AQP3: variants seen among roughly 807,000 people sequenced by gnomAD.
AQP3 encodes aquaporin-3.
AQP3 carries 15 observed loss-of-function variants against 30.3 expected under a neutral mutation model. The ratio of observed to expected loss-of-function variants is 0.49; its 90% CI spans 0.33 to 0.76. The LOEUF is 0.76. AQP3 is among the 30% of genes least tolerant of loss of function. The pLI, the probability that AQP3 is intolerant of heterozygous loss-of-function variation, is 0.02. For synonymous variants in AQP3, 153 were observed against 163.2 expected, an observed-to-expected ratio of 0.94 and a Z score of 0.47; for missense variants, 272 against 384.8, an observed-to-expected ratio of 0.71 and a Z score of 2.45.
At position 33,443,223 on chromosome 9, in the gene AQP3, G is replaced by T; in HGVS notation, c.373+98C>A. ...GAGTGAGTCATGAGCCCGGGGCCTG[G>T]GCAGGTCCTAGCCGTCTGTCATCAA... On this transcript the variant is annotated intron_variant, in intron 3 of 5. Transcript: ENST00000297991. This position sits in a 1 kb window ranked among gnomAD's most constrained non-coding sequence, Gnocchi z 5.0. 1 of 1,499,502 alleles carries T rather than the reference G, an allele frequency of 6.7e-7. No homozygotes were observed. Among genetic ancestry groups the T allele is most frequent in the Non-Finnish European group, 9.1e-7 (1 of 1,100,362 alleles). 92.9% of individuals were successfully genotyped at this position (1,499,502 alleles called of 1,614,324 possible).
rs368463743 is a variant in AQP3 at position 33,442,432 on chromosome 9, G to A, written c.579C>T (p.Phe193=). The part of the protein sequence containing the change: ...NNPVPRGLEA[F]TVGLVVLVIG... ...TGACCAGGACCACCAGGCCCACGGT[G>A]AAGGCCTCCAGGCCTCGGGGGACGG... The change falls in exon 5 of 6, where the codon TTC becomes TTT. Residue 193 remains phenylalanine (F), a synonymous_variant. Transcript: ENST00000297991. The A allele has an allele frequency of 6.2e-7, 1 of 1,611,942 alleles. No individual in the cohort carries two copies. The highest frequency in any genetic ancestry group is 8.5e-7 in the Non-Finnish European group (1 of 1,179,434).
chr9:33,447,325 C>A, intron 1 of AQP3, 98 bp downstream of exon 1: 1 of 1,130,278 alleles, frequency 8.8e-7, no homozygotes, highest in African/African-American at 1.5e-5. Context: ...GGAGGTGGGT[C>A]CAGGCTACCT....
rs1192392147 is a variant in AQP3, at chr9:33,443,311, G to A, written c.373+10C>T. ...GGGTAGTGGAGGAGGACAGGGTGGG[G>A]AATGCTTACCATAATACAGCCCAAA... is the stretch of plus-strand genomic sequence containing the variant. On this transcript the variant is annotated intron_variant, in intron 3 of 5. Transcript: ENST00000297991. The surrounding 1 kb of genome is among the most constrained non-coding windows in gnomAD (Gnocchi z 5.0). 1 of 1,574,576 alleles carries A rather than the reference G, an allele frequency of 6.4e-7. No homozygotes were observed. The highest frequency in any genetic ancestry group is 1.2e-5 in the South Asian group (1 of 85,744).
chr9:33,443,578 C>A lies in AQP3; in HGVS notation c.236-120G>T. On this transcript the variant is annotated intron_variant, in intron 2 of 5. Transcript: ENST00000297991. The surrounding 1 kb of genome is among the most constrained non-coding windows in gnomAD (Gnocchi z 5.0). ...ACAGGATGGCGGTTGGTCTATGTAA[C>A]AGGTCAGCTGATAATCTCTGATTCC... The A allele has an allele frequency of 6.8e-7, 1 of 1,461,970 alleles. No homozygotes were observed. The highest frequency in any genetic ancestry group is 9.3e-7 in the Non-Finnish European group (1 of 1,070,960). 90.6% of individuals were successfully genotyped at this position (1,461,970 alleles called of 1,614,324 possible).
intron 1 of AQP3, among the ~76,000 whole-genome samples, chr9:33,446,217 G>C (rs1307029693): frequency 6.6e-6 from 1 of 152,228 alleles, no homozygotes; most frequent in African/African-American, 2.4e-5. Context: ...ACAGGAGAGA[G>C]GGGCTAGGGC....
intron 4 of AQP3, 59 bp downstream of exon 4, chr9:33,442,793 A>G: frequency 6.6e-7 from 1 of 1,515,110 alleles, no homozygotes; most frequent in Non-Finnish European, 9.2e-7. Context: ...CCAGCCCATG[A>G]GCTACCAAGG....
rs1351908471 is a variant in AQP3, at chr9:33,441,727, C to A, written c.*316G>T. The A allele has an allele frequency of 5.8e-6, 3 of 520,574 alleles. No homozygotes were observed. The highest frequency in any genetic ancestry group is 1.0e-5 in the Non-Finnish European group (3 of 296,266). The allele number at this position is 520,574 out of a possible 1,614,324, so 32.2% of individuals were successfully genotyped here. A position where few individuals can be genotyped will look rare whatever the true frequency, so the allele number is the denominator to read the frequency against. ...GAACCCCCCCCACACACACACACCC[C>A]TGCACACACATGCACACACATGCAC... is the stretch of plus-strand genomic sequence containing the variant. On this transcript the variant is annotated 3_prime_UTR_variant, in exon 6 of 6. Coordinates refer to ENST00000297991, the MANE Select transcript of AQP3 (RefSeq NM_004925.5).
chr9:33,447,323 G>T, intron 1 of AQP3, 100 bp downstream of exon 1: 1 of 1,104,638 alleles, frequency 9.1e-7, no homozygotes, highest in Non-Finnish European at 1.4e-6. Flanking sequence ...GGGGAGGTGG[G>T]TCCAGGCTAC....
At chr9:33,447,165 G>C (rs1169539231) in intron 1 of AQP3, among the ~76,000 whole-genome samples, 1 of 152,214 alleles carries the variant, frequency 6.6e-6, no homozygotes, top group East Asian at 1.9e-4. Flanking sequence ...GTCACTTGTG[G>C]GAGGGTAAAC....
At chr9:33,447,118 C>A (rs748953858) in intron 1 of AQP3, among the ~76,000 whole-genome samples, 3 of 152,252 alleles carry the variant, frequency 2.0e-5, no homozygotes, top group Non-Finnish European at 4.4e-5. Context: ...CTGTCCCAGA[C>A]TGCAAGCGTG....
chr9:33,445,649 A>C (rs2118975987), intron 1 of AQP3, among the ~76,000 whole-genome samples: 1 of 152,278 alleles, frequency 6.6e-6, no homozygotes, highest in South Asian at 2.1e-4. Flanking sequence ...TGTCAGAGCC[A>C]GTTCCACCAC....
At chr9:33,446,295 C>A (rs904694303) in intron 1 of AQP3, among the ~76,000 whole-genome samples, 2 of 152,170 alleles carry the variant, frequency 1.3e-5, no homozygotes, top group African/African-American at 4.8e-5. Flanking sequence ...TCCCCACTTC[C>A]TATTCTTGGA....
intron 1 of AQP3, among the ~76,000 whole-genome samples, chr9:33,446,960 T>C (rs1407782710): frequency 6.6e-6 from 1 of 152,166 alleles, no homozygotes; most frequent in East Asian, 1.9e-4. Flanking sequence ...ACCTTTGGAC[T>C]TTTTGAGGCT....
At chr9:33,446,561 C>T (rs1222091460) in intron 1 of AQP3, among the ~76,000 whole-genome samples, 1 of 152,158 alleles carries the variant, frequency 6.6e-6, no homozygotes, top group Non-Finnish European at 1.5e-5. Context: ...ACTGGTGGGT[C>T]TGCCAGACCT....
In AQP3 at chr9:33,442,381, G is replaced by A. The variant is rs760098669; in HGVS notation, c.630C>T (p.Ser210=). The A allele has an allele frequency of 2.4e-5, 39 of 1,611,754 alleles. No individual in the cohort carries two copies. The highest frequency in any genetic ancestry group is 4.5e-5 in the East Asian group (2 of 44,802). ...LVIGTSMGFN[S]GYAVNPARDF... is the part of the protein sequence containing the mutation. ...CCCGGGCAGGGTTGACGGCATAGCC[G>A]GAGTTGAAGCCCATGGAGGTGCCAA... The change falls in exon 5 of 6, where the codon TCC becomes TCT. Residue 210 remains serine (S), a synonymous_variant. Transcript: ENST00000297991.
In AQP3 at chr9:33,441,710, CCCA is replaced by C; in HGVS notation, c.*330_*332del. 9.5e-6 allele frequency: 4 copies of C among 419,766 alleles called. No homozygotes were observed. The highest frequency in any genetic ancestry group is 1.2e-5 in the Non-Finnish European group (3 of 246,650). The allele number at this position is 419,766 out of a possible 1,614,324, so 26.0% of individuals were successfully genotyped here. On this transcript the variant is annotated 3_prime_UTR_variant, in exon 6 of 6. Transcript: ENST00000297991. ...TTGCCCTGAATATCTGGGAACCCCC[CCCA>C]CACACACACACCCCTGCACACACAT...
In AQP3 at chr9:33,442,983, T is replaced by G. The variant is rs529811466; in HGVS notation, c.374-13A>C. The G allele has an allele frequency of 5.6e-6, 9 of 1,610,954 alleles. No homozygotes were observed. The highest frequency in any genetic ancestry group is 2.7e-5 in the African/African-American group (2 of 74,956). On this transcript the variant is annotated splice_polypyrimidine_tract_variant and intron_variant, in intron 3 of 5. Transcript: ENST00000297991. ...TGCCAGATTGCATCTGGTGACAGAT[T>G]AGACACACAGTGAGTCGGGGGAGAG...
At position 33,442,225 on chromosome 9, in the gene AQP3, C is replaced by T. The variant is rs1267609892; in HGVS notation, c.711-14G>A. 1 of 1,612,018 alleles carries T rather than the reference C, an allele frequency of 6.2e-7. No individual in the cohort carries two copies. Among genetic ancestry groups the T allele is most frequent in the Non-Finnish European group, 8.5e-7 (1 of 1,179,296 alleles). Reference sequence around the variant, plus strand: ...TGCTGGCCGGTCCTGGGGGGACAGACACTCATAGTCAGGGACATGGGGGGC... The same window carrying T: ...TGCTGGCCGGTCCTGGGGGGACAGATACTCATAGTCAGGGACATGGGGGGC... On this transcript the variant is annotated splice_polypyrimidine_tract_variant and intron_variant, in intron 5 of 5. Transcript: ENST00000297991.
rs781170322 is a variant in AQP3, at chr9:33,442,344, G to C, written c.667C>G (p.Arg223Gly). 1 of 1,612,846 alleles carries C rather than the reference G, an allele frequency of 6.2e-7. No individual in the cohort carries two copies. The highest frequency in any genetic ancestry group is 8.5e-7 in the Non-Finnish European group (1 of 1,179,598). ...AVNPARDFGP[R>G]LFTALAGWGS... is the part of the protein sequence containing the mutation. ...CAGCCCGCAAGGGCTGTAAAAAGGC[G>C]GGGGCCAAAGTCCCGGGCAGGGTTG... The change falls in exon 5 of 6, where the codon CGC (arginine) becomes GGC (glycine). Residue 223 changes from arginine (R) to glycine (G), a missense_variant. Transcript: ENST00000297991.
Sources: gnomAD v4.1 joint callset for allele counts (sites outside exome capture counted in the v4.1 genomes callset) on GRCh38, gnomAD v4.1.1 for gene constraint, Gnocchi (gnomAD v3.1) non-coding constraint, MANE v1.5 for transcripts, NCBI Gene and HGNC (gene_info 2026-07-23, HGNC 2026-07-21) for gene names.